Variants in CADM2 observed in about 807,000 individuals in gnomAD.
CADM2 encodes cell adhesion molecule 2.
CADM2 carries 12 observed loss-of-function variants against 49.8 expected under a neutral mutation model. The observed-to-expected ratio is 0.24, with a 90% CI of 0.15 to 0.39. The LOEUF (loss-of-function observed/expected upper bound fraction) is 0.39, where lower values mean the gene tolerates loss of function less well. Among genes scored for constraint, CADM2 ranks in the 10% least tolerant of loss-of-function variants. CADM2 has a pLI of 1.00. For synonymous variants in CADM2, 214 were observed against 175.4 expected, an observed-to-expected ratio of 1.22 and a Z score of -1.74; for missense variants, 378 against 492.3, an observed-to-expected ratio of 0.77 and a Z score of 2.20.
chr3:85,953,848 A>G (rs1023363308), intron 7 of CADM2, among the ~76,000 whole-genome samples: 4 of 150,980 alleles, frequency 2.6e-5, no homozygotes, highest in African/African-American at 9.7e-5. Context: ...AAGAAAATTC[A>G]TTGATCTCTT....
chr3:85,186,210 T>A (rs1156491566), intron 1 of CADM2, among the ~76,000 whole-genome samples: 2 of 152,174 alleles, frequency 1.3e-5, no homozygotes, highest in Non-Finnish European at 2.9e-5. Flanking sequence ...TTCTTGCCTT[T>A]CAGGGTGGGA....
chr3:85,951,178 G>A (rs1242826687), intron 7 of CADM2, among the ~76,000 whole-genome samples: 2 of 150,986 alleles, frequency 1.3e-5, no homozygotes, highest in Non-Finnish European at 3.0e-5. Flanking sequence ...TGTGAGGATG[G>A]AATAAGAAAC....
At chr3:85,666,855 G>C (rs908344397) in intron 1 of CADM2, among the ~76,000 whole-genome samples, 1 of 151,866 alleles carries the variant, frequency 6.6e-6, no homozygotes, top group South Asian at 2.1e-4. Context: ...GGGTATTTTG[G>C]GGTAGTGTTT....
chr3:85,144,466 G>T (rs2039672092), intron 1 of CADM2, among the ~76,000 whole-genome samples: 1 of 151,970 alleles, frequency 6.6e-6, no homozygotes, highest in African/African-American at 2.4e-5. Flanking sequence ...ACAAAAATTA[G>T]CTGGTCTTGG....
At chr3:85,053,179 G>C (rs941423658) in intron 1 of CADM2, among the ~76,000 whole-genome samples, 3 of 152,010 alleles carry the variant, frequency 2.0e-5, no homozygotes, top group Non-Finnish European at 4.4e-5. Context: ...AAAATGTTCA[G>C]AGCTAAAGCA....
At chr3:85,299,762 C>A (rs768518379) in intron 1 of CADM2, among the ~76,000 whole-genome samples, 3 of 151,926 alleles carry the variant, frequency 2.0e-5, no homozygotes, top group Non-Finnish European at 4.4e-5. Context: ...GATTTTTCTT[C>A]TTTTCTGAAG....
intron 3 of CADM2, among the ~76,000 whole-genome samples, chr3:85,875,122 T>C (rs1252586382): frequency 6.6e-6 from 1 of 152,180 alleles, no homozygotes; most frequent in African/African-American, 2.4e-5. Context: ...GAGCAATGGT[T>C]GTCTTTACCA....
chr3:86,023,479 C>T (rs918394948), intron 8 of CADM2, among the ~76,000 whole-genome samples: 2 of 152,104 alleles, frequency 1.3e-5, no homozygotes, highest in Non-Finnish European at 2.9e-5. Context: ...CTGTCTTGGC[C>T]TCCTGAGTGC....
intron 1 of CADM2, among the ~76,000 whole-genome samples, chr3:85,377,644 G>A (rs1225402354): frequency 6.6e-6 from 1 of 152,040 alleles, no homozygotes; most frequent in East Asian, 1.9e-4. Flanking sequence ...CTTTAAAACA[G>A]TTTATTGCAT....
chr3:85,950,139 T>C (rs1012496324), intron 7 of CADM2, among the ~76,000 whole-genome samples: 1 of 151,214 alleles, frequency 6.6e-6, no homozygotes, highest in African/African-American at 2.4e-5. Flanking sequence ...ATGGTTATTG[T>C]TAAATATATT....
At chr3:85,743,908 A>C (rs2068500305) in intron 2 of CADM2, among the ~76,000 whole-genome samples, 1 of 152,176 alleles carries the variant, frequency 6.6e-6, no homozygotes, top group South Asian at 2.1e-4. Context: ...GATTTCATCC[A>C]TATTAAATTG....
At chr3:85,240,939 A>T (rs2042517711) in intron 1 of CADM2, among the ~76,000 whole-genome samples, 2 of 151,692 alleles carry the variant, frequency 1.3e-5, no homozygotes, top group Middle Eastern at 6.8e-3. Context: ...AAATCAGGGT[A>T]ATTGGCAGAT....
intron 2 of CADM2, among the ~76,000 whole-genome samples, chr3:85,764,757 AATT>A (rs1005973889): frequency 6.6e-6 from 1 of 152,016 alleles, no homozygotes; most frequent in African/African-American, 2.4e-5. Context: ...GATTAATAAT[AATT>A]GTTTATATTA....
At chr3:85,478,085 T>C (rs2039057219) in intron 1 of CADM2, among the ~76,000 whole-genome samples, 1 of 151,944 alleles carries the variant, frequency 6.6e-6, no homozygotes, top group African/African-American at 2.4e-5. Context: ...TCAAAGTACT[T>C]TTAGTTTAGA....
At chr3:85,481,184 A>G (rs2039193589) in intron 1 of CADM2, among the ~76,000 whole-genome samples, 1 of 149,856 alleles carries the variant, frequency 6.7e-6, no homozygotes, top group African/African-American at 2.4e-5. Context: ...TGAAATGACC[A>G]TTATACACCC....
chr3:85,707,790 T>G (rs923149672), intron 1 of CADM2, among the ~76,000 whole-genome samples: 15 of 152,212 alleles, frequency 9.9e-5, no homozygotes, highest in Non-Finnish European at 1.8e-4. Flanking sequence ...CGTCTAAATT[T>G]TAATCTTTCT....
rs951409914 is a variant in CADM2, at chr3:85,767,639, C to T, written c.89-34408C>T. 7.2e-5 allele frequency among the ~76,000 whole-genome samples: 11 copies of T among 152,040 alleles called. 1 individual carries two copies. The East Asian group carries it at 7.7e-4, about 11-fold the overall frequency. ...ATGAGAGTGCTGCCACCTCCAACCA[C>T]GACCTTCTGGCACTTCCACATCCCA... On this transcript the variant is annotated intron_variant, in intron 2 of 9. Coordinates refer to ENST00000383699, the MANE Select transcript of CADM2 (RefSeq NM_001167675.2).
chr3:86,018,832 G>T (rs2107002253), intron 8 of CADM2, among the ~76,000 whole-genome samples: 2 of 151,352 alleles, frequency 1.3e-5, no homozygotes, highest in South Asian at 4.2e-4. Flanking sequence ...TAGGTTGCCT[G>T]TTCACTCTGA....
intron 1 of CADM2, among the ~76,000 whole-genome samples, chr3:85,550,094 T>C (rs1270721467): frequency 6.6e-6 from 1 of 152,090 alleles, no homozygotes; most frequent in African/African-American, 2.4e-5. Flanking sequence ...ACCGATGAGA[T>C]AGGGAGCAGT....
Sources: allele counts gnomAD v4.1 joint callset (sites outside exome capture counted in the v4.1 genomes callset), GRCh38; gene constraint gnomAD v4.1.1; transcripts MANE v1.5; gene names NCBI Gene and HGNC (gene_info 2026-07-23, HGNC 2026-07-21).